Variants in CHAT observed in about 807,000 individuals in gnomAD.
The protein encoded by CHAT is acetyl CoA:choline O-acetyltransferase.
CHAT carries 61 observed loss-of-function variants against 76.9 expected under a neutral mutation model. The observed-to-expected ratio is 0.79, with a 90% CI of 0.65 to 0.98. The LOEUF (loss-of-function observed/expected upper bound fraction) is 0.98, where lower values mean the gene tolerates loss of function less well. Among genes scored for constraint, CHAT ranks in the 50% least tolerant of loss-of-function variants. The pLI is 0.00. For synonymous variants in CHAT, 407 were observed against 397.4 expected (o/e 1.02, Z -0.29); for missense variants, 946 against 986.9 (o/e 0.96, Z 0.56).
Position 49,614,194 on chromosome 10 carries a change from G to T in CHAT, c.5G>T (p.Gly2Val). The T allele has an allele frequency of 6.5e-7, 1 of 1,540,120 alleles. No homozygotes were observed. Among genetic ancestry groups the T allele is most frequent in the Non-Finnish European group, 8.8e-7 (1 of 1,140,840 alleles). The change falls in exon 1 of 15, where the codon GGG becomes GTG. Residue 2 changes from glycine (G) to valine (V), a missense_variant. Around this residue, in one of 3 missense-constraint regions of CHAT, gnomAD observed 548 missense variants for 516.2 expected, o/e 1.06. Transcript: ENST00000337653. ...GGGCGGGGAGCTGGGGAAGGGATGG[G>T]GCTGAGGACAGCGAAGAAGAGGGGG... M[G>V]LRTAKKRGLG...
rs573643794 is a variant in CHAT at position 49,627,208 on chromosome 10, A to C, written c.934-400A>C. On this transcript the variant is annotated intron_variant, in intron 6 of 14. Coordinates refer to ENST00000337653, the MANE Select transcript of CHAT (RefSeq NM_020549.5). ...GCACATTCCTCGTGTCTTCCGGTACACACGGGTACGTTTCTCTAAGCCTCA... is the reference window on the plus strand; with the variant it reads ...GCACATTCCTCGTGTCTTCCGGTACCCACGGGTACGTTTCTCTAAGCCTCA... 3.3e-5 allele frequency among the ~76,000 whole-genome samples: 5 copies of C among 152,384 alleles called. No homozygotes were observed. The East Asian group carries it at 9.6e-4, about 29-fold the overall frequency.
At chr10:49,609,458 G>A (rs770333661), upstream of CHAT, among the ~76,000 whole-genome samples, 2 of 151,956 alleles carry the variant, frequency 1.3e-5, no homozygotes, top group African/African-American at 4.8e-5. Context: ...AGAGTGGGGA[G>A]GGGGTGCGGC....
rs191844793 is a variant in CHAT, at chr10:49,640,175, T to C, written c.1112-6330T>C. 3.3e-5 allele frequency among the ~76,000 whole-genome samples: 5 copies of C among 152,088 alleles called. No homozygotes were observed. The East Asian group carries it at 7.7e-4, about 23-fold the overall frequency. On this transcript the variant is annotated intron_variant, in intron 7 of 14. Transcript: ENST00000337653. Reference sequence around the variant, plus strand: ...TTTTATTTATTTTATTTTAATTTTATTTATTTATTTATTTGAGACGGAGTC... The same window carrying C: ...TTTTATTTATTTTATTTTAATTTTACTTATTTATTTATTTGAGACGGAGTC...
chr10:49,628,686 G>C (rs10776584), intron 7 of CHAT, among the ~76,000 whole-genome samples: 50,934 of 152,136 alleles, frequency 0.33, 8,783 homozygotes, highest in East Asian at 0.53. Context: ...AGAGGGGACG[G>C]AGCCCTTCCG....
chr10:49,632,309 C>G (rs1288290729), intron 7 of CHAT, among the ~76,000 whole-genome samples: 1 of 152,100 alleles, frequency 6.6e-6, no homozygotes. Context: ...GGACACATGG[C>G]CTGGGGAGTG....
Position 49,649,565 on chromosome 10 carries a change from C to A in CHAT, c.1440C>A (p.Pro480=). Reference sequence around the variant, plus strand: ...ACTCCGTCAGCGAGCTCCCCGCCCCCCGGAGGCTGCGGTGGAAATGCTCCC... The same window carrying A: ...ACTCCGTCAGCGAGCTCCCCGCCCCACGGAGGCTGCGGTGGAAATGCTCCC... ...RADSVSELPA[P]RRLRWKCSPE... Residue 480 remains proline, a synonymous_variant, in exon 10 of 15, where the codon CCC becomes CCA. Transcript: ENST00000337653. 6.2e-7 allele frequency: 1 copy of A among 1,613,920 alleles called. No individual in the cohort carries two copies. Among genetic ancestry groups the A allele is most frequent in the Non-Finnish European group, 8.5e-7 (1 of 1,180,042 alleles).
rs1376203649 is a variant in CHAT at position 49,614,216 on chromosome 10, G to T, written c.27G>T (p.Arg9Ser). Residue 9 changes from arginine (R) to serine (S), a missense_variant, in exon 1 of 15, where the codon AGG becomes AGT. Arg to Ser is a moderately radical substitution (Grantham distance 110). Transcript: ENST00000337653. ...TGGGGCTGAGGACAGCGAAGAAGAG[G>T]GGGCTTGGGGGAGGGGGGAAATGGA... Reference protein sequence around the residue: MGLRTAKKRGLGGGGKWKR... With the variant: MGLRTAKKSGLGGGGKWKR... 6.5e-7 allele frequency: 1 copy of T among 1,529,126 alleles called. No individual in the cohort carries two copies. Among genetic ancestry groups the T allele is most frequent in the South Asian group, 1.2e-5 (1 of 83,410 alleles). 94.7% of individuals were successfully genotyped at this position (1,529,126 alleles called of 1,614,324 possible). A position where few individuals can be genotyped will look rare whatever the true frequency, so the allele number is the denominator to read the frequency against.
upstream of CHAT, chr10:49,611,435 G>C: frequency 1.3e-6 from 2 of 1,597,964 alleles, no homozygotes; most frequent in South Asian, 1.1e-5. Context: ...CCGCCCTTCG[G>C]GGGCATCCTC....
upstream of CHAT, chr10:49,612,120 G>A: frequency 6.2e-7 from 1 of 1,612,368 alleles, no homozygotes; most frequent in East Asian, 2.2e-5. Flanking sequence ...TGGCCAACCT[G>A]CTCTATGCTC....
intron 6 of CHAT, among the ~76,000 whole-genome samples, chr10:49,626,704 C>T (rs905503809): frequency 2.0e-4 from 30 of 152,324 alleles, no homozygotes; most frequent in African/African-American, 6.0e-4. Context: ...CTGCACAAGA[C>T]CAGGCCATAC....
chr10:49,650,103 G>A (rs1839828797), intron 10 of CHAT, among the ~76,000 whole-genome samples: 3 of 152,184 alleles, frequency 2.0e-5, no homozygotes, highest in East Asian at 1.9e-4. Flanking sequence ...GCCTGGGGCA[G>A]CAGCAAGCAG....
chr10:49,611,790 G>A (rs140704279), upstream of CHAT: 18 of 1,602,884 alleles, frequency 1.1e-5, no homozygotes, highest in Non-Finnish European at 1.4e-5. Flanking sequence ...GCCTGGCGGC[G>A]CGCTACCCAC....
At chr10:49,611,842 G>C, upstream of CHAT, 2 of 1,604,612 alleles carry the variant, frequency 1.2e-6, no homozygotes, top group South Asian at 1.1e-5. Flanking sequence ...GGCTGTGATC[G>C]GCGCCAGCTC....
intron 7 of CHAT, among the ~76,000 whole-genome samples, chr10:49,640,302 G>T (rs1386785542): frequency 6.6e-6 from 1 of 152,184 alleles, no homozygotes; most frequent in African/African-American, 2.4e-5. Context: ...TTGGTAGAAT[G>T]AGTGATTTTC....
chr10:49,615,269 C>G (rs1838446366), intron 1 of CHAT, among the ~76,000 whole-genome samples: 1 of 152,206 alleles, frequency 6.6e-6, no homozygotes, highest in African/African-American at 2.4e-5. Flanking sequence ...GACTGCCATG[C>G]TCCGGTGAAT....
rs933692526 is a variant in CHAT, at chr10:49,651,916, A to C, written c.1544A>C (p.Lys515Thr). 1 of 1,614,132 alleles carries C rather than the reference A, an allele frequency of 6.2e-7. No individual in the cohort carries two copies. Among genetic ancestry groups the C allele is most frequent in the South Asian group, 1.1e-5 (1 of 91,080 alleles). ...IVKNLDFIVY[K>T]FDNYGKTFIK... ...AAGAACCTTGACTTCATTGTCTATA[A>C]GTTTGACAACTATGGGAAAACATTC... The change falls in exon 11 of 15, where the codon AAG (lysine) becomes ACG (threonine). Residue 515 changes from lysine (K) to threonine (T), a missense_variant. By Grantham distance (78) the Lys-to-Thr change is moderately conservative. This residue lies in a region of CHAT where 349 missense variants were observed against 393.9 expected (regional missense o/e 0.89). Transcript: ENST00000337653.
chr10:49,624,472 G>A (rs1838842491), intron 5 of CHAT, among the ~76,000 whole-genome samples: 1 of 152,184 alleles, frequency 6.6e-6, no homozygotes, highest in Non-Finnish European at 1.5e-5. Context: ...CTGCCTCAGT[G>A]AGACTGCCCC....
At chr10:49,650,004 T>G (rs1218100056) in intron 10 of CHAT, among the ~76,000 whole-genome samples, 1 of 152,036 alleles carries the variant, frequency 6.6e-6, no homozygotes, top group East Asian at 1.9e-4. Flanking sequence ...TATTTAAATT[T>G]GCTTGAATGT....
Position 49,666,461 on chromosome 10 carries a change from A to G in CHAT, c.*1415A>G, listed in dbSNP as rs1247487902. 6.6e-6 allele frequency among the ~76,000 whole-genome samples: 1 copy of G among 152,174 alleles called. No homozygotes were observed. The highest frequency in any genetic ancestry group is 1.5e-5 in the Non-Finnish European group (1 of 68,030). On this transcript the variant is annotated 3_prime_UTR_variant, in exon 15 of 15. Coordinates refer to ENST00000337653, the MANE Select transcript of CHAT (RefSeq NM_020549.5). ...GCAACCAGAGAAATCTACAGCATAG[A>G]GCCCGTGTGTTCTGCTCCACATCCC...
Sources: allele counts gnomAD v4.1 joint callset (sites outside exome capture counted in the v4.1 genomes callset), GRCh38; gene constraint gnomAD v4.1.1; regional missense constraint gnomAD v4.1.1; transcripts MANE v1.5; gene names NCBI Gene and HGNC (gene_info 2026-07-23, HGNC 2026-07-21).